Variants in NLRP13 observed in about 807,000 individuals in gnomAD.
NLRP13 encodes NACHT, LRR and PYD domains-containing protein 13.
NLRP13 carries 82 observed loss-of-function variants against 94.4 expected under a neutral mutation model. The observed-to-expected ratio is 0.87, with a 90% CI of 0.73 to 1.04. The LOEUF (loss-of-function observed/expected upper bound fraction) is 1.04, where lower values mean the gene tolerates loss of function less well. NLRP13 is among the 50% of genes least tolerant of loss of function. NLRP13 has a pLI of 0.00. For missense variants in NLRP13, 1,426 were observed against 1,230.8 expected (o/e 1.16, Z -2.37); for synonymous variants, 553 against 464.7 (o/e 1.19, Z -2.45).
At chr19:55,920,371 A>G (rs1287955128) in intron 4 of NLRP13, among the ~76,000 whole-genome samples, 1 of 152,206 alleles carries the variant, frequency 6.6e-6, no homozygotes, top group Non-Finnish European at 1.5e-5. Flanking sequence ...GAAGTAATCA[A>G]GTGAACAGAT....
In NLRP13 at chr19:55,923,924, T is replaced by C; in HGVS notation, c.513A>G (p.Leu171=). ...QDPNQEEPEM[L]EEADHRRKYR... is the part of the protein sequence containing the mutation. The stretch of plus-strand genomic sequence containing the variant: ...AAGTAGTATACACACCTGCTTCCTC[T>C]AGCATCTCTGGTTCTTCTTGGTTTG... The change falls in exon 4 of 11, where the codon CTA becomes CTG. Residue 171 remains leucine, a synonymous_variant. Coordinates refer to ENST00000342929, the MANE Select transcript of NLRP13 (RefSeq NM_176810.2). The C allele has an allele frequency of 6.2e-7, 1 of 1,613,522 alleles. No homozygotes were observed. The highest frequency in any genetic ancestry group is 8.5e-7 in the Non-Finnish European group (1 of 1,179,478).
chr19:55,905,254 A>C, intron 7 of NLRP13, 142 bp from the exon 8 acceptor site: 1 of 971,552 alleles, frequency 1.0e-6, no homozygotes, highest in South Asian at 1.8e-5. Flanking sequence ...AAAGAAGGAG[A>C]AAAAGGGCCA....
At chr19:55,928,199 C>A (rs1568447633) in intron 1 of NLRP13, among the ~76,000 whole-genome samples, 2 of 152,156 alleles carry the variant, frequency 1.3e-5, no homozygotes, top group Non-Finnish European at 2.9e-5. Context: ...AACGGGGCTC[C>A]TGTGATGTGC....
intron 1 of NLRP13, among the ~76,000 whole-genome samples, chr19:55,930,901 A>G (rs796547344): frequency 1.0e-5 from 1 of 98,286 alleles, no homozygotes; most frequent in South Asian, 3.1e-4. Flanking sequence ...TATATATAAA[A>G]TTTTAACCAG....
At chr19:55,897,998 T>A (rs1234998731) in intron 10 of NLRP13, among the ~76,000 whole-genome samples, 1 of 152,102 alleles carries the variant, frequency 6.6e-6, no homozygotes, top group Non-Finnish European at 1.5e-5. Context: ...TAGTACACGT[T>A]GCATGATGGT....
At chr19:55,908,062 A>G (rs1292209011) in intron 6 of NLRP13, 106 bp from the exon 7 acceptor site, 1 of 982,184 alleles carries the variant, frequency 1.0e-6, no homozygotes, top group Non-Finnish European at 1.5e-6. Context: ...TGCCAAGGTT[A>G]TACACGGTAC....
chr19:55,909,063 G>A (rs753041287), intron 6 of NLRP13, among the ~76,000 whole-genome samples: 1 of 152,140 alleles, frequency 6.6e-6, no homozygotes, highest in Non-Finnish European at 1.5e-5. Flanking sequence ...CTAGGCTTTA[G>A]ACCTTGAAAA....
In NLRP13 at chr19:55,924,661, G is replaced by C; in HGVS notation, c.389-3C>G. 1 of 1,611,532 alleles carries C rather than the reference G, an allele frequency of 6.2e-7. No individual in the cohort carries two copies. Among genetic ancestry groups the C allele is most frequent in the Non-Finnish European group, 8.5e-7 (1 of 1,177,870 alleles). On this transcript the variant is annotated splice_region_variant and splice_polypyrimidine_tract_variant and intron_variant, in intron 2 of 10. Coordinates refer to ENST00000342929, the MANE Select transcript of NLRP13 (RefSeq NM_176810.2). ...GCATCCCTGGGTCTGCATATTCCCTGAAATAAACATTGACGATGAGATATG... is the reference window on the plus strand; with the variant it reads ...GCATCCCTGGGTCTGCATATTCCCTCAAATAAACATTGACGATGAGATATG...
At chr19:55,916,599 C>T (rs1322938120) in intron 4 of NLRP13, among the ~76,000 whole-genome samples, 4 of 152,050 alleles carry the variant, frequency 2.6e-5, no homozygotes, top group Non-Finnish European at 5.9e-5. Context: ...GTTTCAACAA[C>T]AGATTAGACA....
rs1987161322 is a variant in NLRP13 at position 55,932,066 on chromosome 19, C to T, written c.246G>A (p.Trp82Ter). 6.2e-7 allele frequency: 1 copy of T among 1,614,030 alleles called. No homozygotes were observed. The highest frequency in any genetic ancestry group is 8.5e-7 in the Non-Finnish European group (1 of 1,180,018). ...TCTGGAAGATGCCGAGGACCACTTTCCATGCCTGACCTTTTGGGAAGTGTT... is the reference window on the plus strand; with the variant it reads ...TCTGGAAGATGCCGAGGACCACTTTTCATGCCTGACCTTTTGGGAAGTGTT... ...LDEHFPKGQA[W>*]KVVLGIFQTM... Residue 82 changes from tryptophan (W) to a stop codon, truncating the protein, a stop_gained, in exon 1 of 11, where the codon TGG becomes TGA. Transcript: ENST00000342929. LOFTEE classifies it high-confidence loss of function.
chr19:55,929,076 A>G (rs548096817), intron 1 of NLRP13, among the ~76,000 whole-genome samples: 5 of 152,344 alleles, frequency 3.3e-5, no homozygotes, highest in African/African-American at 1.2e-4. Context: ...AACCACAATG[A>G]GATACCATCT....
At position 55,896,088 on chromosome 19, in the gene NLRP13, A is replaced by C. The variant is rs769823856; in HGVS notation, c.2989T>G (p.Cys997Gly). Reference sequence around the variant, plus strand: ...CTGAGAACAGAGAAGAGATGCTGGCAGCAAGCAGTTGTCAGATTGCATTTC... The same window carrying C: ...CTGAGAACAGAGAAGAGATGCTGGCCGCAAGCAGTTGTCAGATTGCATTTC... Reference protein sequence around the residue: ...LAKCNLTTACCQHLFSVLSSS... With the variant: ...LAKCNLTTACGQHLFSVLSSS... Residue 997 changes from cysteine to glycine, a missense_variant, in exon 11 of 11, where the codon TGC (cysteine) becomes GGC (glycine). Physicochemically the swap from Cys to Gly is radical, Grantham distance 159. Transcript: ENST00000342929. 2.5e-6 allele frequency: 4 copies of C among 1,614,064 alleles called. No individual in the cohort carries two copies. The highest frequency in any genetic ancestry group is 3.4e-6 in the Non-Finnish European group (4 of 1,180,030).
downstream of NLRP13, among the ~76,000 whole-genome samples, chr19:55,895,456 G>T (rs1985981244): frequency 6.6e-6 from 1 of 152,048 alleles, no homozygotes; most frequent in Non-Finnish European, 1.5e-5. Context: ...GCCGAGGTGG[G>T]TGGATCACCT....
rs1368904537 is a variant in NLRP13 at position 55,896,088 on chromosome 19, AG to A, written c.2988del (p.Cys997AlafsTer17). 3.1e-6 allele frequency: 5 copies of A among 1,614,182 alleles called. No homozygotes were observed. The highest frequency in any genetic ancestry group is 1.3e-5 in the African/African-American group (1 of 75,070). On this transcript the variant is annotated frameshift_variant, in exon 11 of 11. Coordinates refer to ENST00000342929, the MANE Select transcript of NLRP13 (RefSeq NM_176810.2). LOFTEE classifies it low-confidence loss of function (END_TRUNC). Reference protein sequence around the residue: ...GLAKCNLTTACCQHLFSVLSS... With the variant: ...GLAKCNLTTAXCQHLFSVLSS... ...CTGAGAACAGAGAAGAGATGCTGGC[AG>A]CAAGCAGTTGTCAGATTGCATTTCG...
At chr19:55,917,446 T>A (rs532517368) in intron 4 of NLRP13, among the ~76,000 whole-genome samples, 11 of 152,172 alleles carry the variant, frequency 7.2e-5, no homozygotes, top group African/African-American at 2.6e-4. Flanking sequence ...ACCTTCAATA[T>A]ACATGGATTA....
chr19:55,897,733 C>A (rs1471103839), intron 10 of NLRP13, among the ~76,000 whole-genome samples: 1 of 151,978 alleles, frequency 6.6e-6, no homozygotes, highest in Non-Finnish European at 1.5e-5. Flanking sequence ...ATGTTTAAAC[C>A]AATAATTTAA....
Position 55,902,185 on chromosome 19 carries a change from G to C in NLRP13, c.2639C>G (p.Ala880Gly). 6.2e-7 allele frequency: 1 copy of C among 1,613,844 alleles called. No individual in the cohort carries two copies. The highest frequency in any genetic ancestry group is 1.1e-5 in the South Asian group (1 of 91,074). Residue 880 changes from alanine (A) to glycine (G), a missense_variant, in exon 9 of 11, where the codon GCA (alanine) becomes GGA (glycine). Coordinates refer to ENST00000342929, the MANE Select transcript of NLRP13 (RefSeq NM_176810.2). The stretch of plus-strand genomic sequence containing the variant: ...TGACAAGTGCTTGCAAGCGGGTGCT[G>C]CCAGCTGGCAAAACCAGAGCCTGCA... ...ERLELWFCQL[A>G]APACKHLSDA... is the part of the protein sequence containing the mutation.
rs61741218 is a variant in NLRP13, at chr19:55,912,324, A to G, written c.1493T>C (p.Phe498Ser). Residue 498 changes from phenylalanine to serine, a missense_variant, in exon 5 of 11, where the codon TTT (phenylalanine) becomes TCT (serine). Physicochemically the swap from Phe to Ser is radical, Grantham distance 155. Transcript: ENST00000342929. ...IEGLWSMNFT[F>S]NKEDTEIEGL... ...CTCGATCTCAGTGTCTTCTTTGTTA[A>G]ACGTGAAGTTCATAGACCACAGCCC... The G allele has an allele frequency of 4.2e-4, 677 of 1,614,122 alleles. 2 individuals are homozygous for G. In the African/African-American group the frequency reaches 7.8e-3, roughly 19 times the overall value.
chr19:55,931,709 CAAAA>C (rs374591965), intron 1 of NLRP13, among the ~76,000 whole-genome samples: 1 of 85,858 alleles, frequency 1.2e-5, no homozygotes, highest in African/African-American at 4.6e-5. Context: ...GACTCAGGCT[CAAAA>C]AAAAAAAAAA....
Sources: gnomAD v4.1 joint callset for allele counts (sites outside exome capture counted in the v4.1 genomes callset) on GRCh38, gnomAD v4.1.1 for gene constraint, MANE v1.5 for transcripts, NCBI Gene and HGNC (gene_info 2026-07-23, HGNC 2026-07-21) for gene names.